ADCY3: variants seen among roughly 807,000 people sequenced by gnomAD.
ADCY3 encodes adenylate cyclase type 3.
In ADCY3, 70 loss-of-function variants were observed where a neutral mutation model predicts 119.4. The ratio of observed to expected loss-of-function variants is 0.59; its 90% confidence interval spans 0.48 to 0.72. The LOEUF (loss-of-function observed/expected upper bound fraction) is 0.72, where lower values mean the gene tolerates loss of function less well. Ranked by LOEUF, ADCY3 falls within the 30% of genes least tolerant of loss-of-function variation. ADCY3 has a pLI of 0.00. For missense variants in ADCY3, 1,238 were observed against 1,541.6 expected, an observed-to-expected ratio of 0.80 and a Z score of 3.30; for synonymous variants, 672 against 621.4, an observed-to-expected ratio of 1.08 and a Z score of -1.21.
chr2:24,913,480 C>T (rs1228580165), intron 2 of ADCY3, among the ~76,000 whole-genome samples: 1 of 152,198 alleles, frequency 6.6e-6, no homozygotes, highest in Admixed American at 6.5e-5. Flanking sequence ...GAAAGAGAGG[C>T]TTTCAGGGAA....
At chr2:24,837,318 C>A (rs998814894) in intron 8 of ADCY3, among the ~76,000 whole-genome samples, 5 of 152,078 alleles carry the variant, frequency 3.3e-5, no homozygotes, top group African/African-American at 9.7e-5. Flanking sequence ...GAGCTTTGGG[C>A]AGGTGGCATT....
At position 24,899,455 on chromosome 2, in the gene ADCY3, A is replaced by C. The variant is rs6718511; in HGVS notation, c.675+18858T>G. On this transcript the variant is annotated intron_variant, in intron 2 of 21. Coordinates refer to ENST00000679454, the MANE Select transcript of ADCY3 (RefSeq NM_004036.5). This position sits in a 1 kb window ranked among gnomAD's most constrained non-coding sequence, Gnocchi z 4.5. Reference sequence around the variant, plus strand: ...ACCTCTGCCACCAGCCTGCCAGGCAAAACTGTCCCTGGATTTCCTGCCCAG... The same window carrying C: ...ACCTCTGCCACCAGCCTGCCAGGCACAACTGTCCCTGGATTTCCTGCCCAG... Among the ~76,000 whole-genome samples, 1,028 of 151,946 alleles carry C rather than the reference A, an allele frequency of 6.8e-3. 10 individuals are homozygous for C. Among genetic ancestry groups the C allele is most frequent in the African/African-American group, 0.024 (979 of 41,410 alleles).
chr2:24,824,962 G>A (rs528663462), intron 16 of ADCY3, among the ~76,000 whole-genome samples: 1 of 152,292 alleles, frequency 6.6e-6, no homozygotes, highest in East Asian at 1.9e-4. Context: ...ATGGCTAAAT[G>A]GCAAGGGAAG....
intron 2 of ADCY3, among the ~76,000 whole-genome samples, chr2:24,916,148 T>C (rs936100124): frequency 6.6e-6 from 1 of 152,190 alleles, no homozygotes; most frequent in African/African-American, 2.4e-5. Flanking sequence ...ATTTCTATCT[T>C]TTTTTTTCTG....
intron 2 of ADCY3, among the ~76,000 whole-genome samples, chr2:24,903,864 G>A (rs374670141): frequency 6.6e-6 from 1 of 152,198 alleles, no homozygotes; most frequent in African/African-American, 2.4e-5. Context: ...CTAAAGCTCA[G>A]GGGAACAAAG....
Position 24,820,814 on chromosome 2 carries a change from G to C in ADCY3, c.3162C>G (p.Ile1054Met). ...TGTCGTAGTGTGGTTTCCGGGCTCC[G>C]ATGACCCCAGCCAGAACCCCGCCTT... ...MNKGGVLAGV[I>M]GARKPHYDIW... Residue 1054 changes from isoleucine (I) to methionine (M), a missense_variant, in exon 21 of 22, where the codon ATC (isoleucine) becomes ATG (methionine). Physicochemically the swap from Ile to Met is conservative, Grantham distance 10 (BLOSUM62 1). This residue lies in a region of ADCY3 where 43 missense variants were observed against 77.0 expected (regional missense o/e 0.56). Coordinates refer to ENST00000679454, the MANE Select transcript of ADCY3 (RefSeq NM_004036.5). The C allele has an allele frequency of 6.2e-7, 1 of 1,614,038 alleles. No individual in the cohort carries two copies. The highest frequency in any genetic ancestry group is 8.5e-7 in the Non-Finnish European group (1 of 1,179,986).
chr2:24,858,625 TA>T (rs1553347617), intron 3 of ADCY3, among the ~76,000 whole-genome samples: 1 of 152,232 alleles, frequency 6.6e-6, no homozygotes, highest in Non-Finnish European at 1.5e-5. Context: ...CAGATAAATA[TA>T]AAATGCGCCA....
chr2:24,821,507 G>T lies in ADCY3; in HGVS notation c.3127+10C>A. 6.2e-7 allele frequency: 1 copy of T among 1,613,568 alleles called. No individual in the cohort carries two copies. The highest frequency in any genetic ancestry group is 1.1e-5 in the South Asian group (1 of 91,040). On this transcript the variant is annotated intron_variant, in intron 20 of 21. Transcript: ENST00000679454. ...GCCTGCTGCGGGGCAGGCCAGCTGGGGGTGCTCACCTATGCGCAGCATGAA... is the reference window on the plus strand; with the variant it reads ...GCCTGCTGCGGGGCAGGCCAGCTGGTGGTGCTCACCTATGCGCAGCATGAA...
chr2:24,824,441 C>T lies in ADCY3; in HGVS notation c.2673G>A (p.Leu891=). ...VYEMRRWNEA[L]VTNMLPEHVA... is the part of the protein sequence containing the mutation. ...CGTGCTCAGGCAACATGTTGGTGAC[C>T]AAGGCCTCGTTCCAGCGTCGCATCT... Residue 891 remains leucine, a synonymous_variant, in exon 17 of 22, where the codon TTG becomes TTA. Transcript: ENST00000679454. 1 of 1,614,250 alleles carries T rather than the reference C, an allele frequency of 6.2e-7. No individual in the cohort carries two copies. Among genetic ancestry groups the T allele is most frequent in the Non-Finnish European group, 8.5e-7 (1 of 1,180,044 alleles).
intron 9 of ADCY3, among the ~76,000 whole-genome samples, chr2:24,836,320 C>T (rs1171603195): frequency 1.3e-5 from 2 of 152,244 alleles, no homozygotes; most frequent in Non-Finnish European, 2.9e-5. Context: ...TCTAATGGCA[C>T]CAGGGCCAGC....
rs1347111547 is a variant in ADCY3, at chr2:24,898,237, G to A, written c.675+20076C>T. Among the ~76,000 whole-genome samples, 1 of 152,098 alleles carries A rather than the reference G, an allele frequency of 6.6e-6. No homozygotes were observed. The highest frequency in any genetic ancestry group is 1.5e-5 in the Non-Finnish European group (1 of 68,012). ...CAGCTCAGTACTCCTCCTCCTGAGG[G>A]GCTTTTCTCTCCACTCTCCCAGTTC... On this transcript the variant is annotated intron_variant, in intron 2 of 21. Transcript: ENST00000679454. This position sits in a 1 kb window ranked among gnomAD's most constrained non-coding sequence, Gnocchi z 4.3.
At chr2:24,849,532 T>C (rs1672049295) in intron 3 of ADCY3, among the ~76,000 whole-genome samples, 1 of 152,186 alleles carries the variant, frequency 6.6e-6, no homozygotes, top group African/African-American at 2.4e-5. Flanking sequence ...CACAAATATG[T>C]TCTGAAAGCA....
intron 3 of ADCY3, among the ~76,000 whole-genome samples, chr2:24,865,256 C>A (rs1674134953): frequency 6.6e-6 from 1 of 151,944 alleles, no homozygotes. Context: ...ACCAGCCTGG[C>A]CAACGTGGTG....
intron 3 of ADCY3, among the ~76,000 whole-genome samples, chr2:24,864,238 G>A (rs914298431): frequency 1.2e-4 from 18 of 152,188 alleles, no homozygotes; most frequent in African/African-American, 4.3e-4. Flanking sequence ...GCAGTGAGCT[G>A]AGATCGCACC....
At chr2:24,916,450 G>A (rs897728311) in intron 2 of ADCY3, among the ~76,000 whole-genome samples, 6 of 152,220 alleles carry the variant, frequency 3.9e-5, no homozygotes, top group African/African-American at 1.2e-4. Flanking sequence ...TTGGGAGGCC[G>A]AGGCGGGCGG....
chr2:24,917,103 A>C (rs1664551245), intron 2 of ADCY3, among the ~76,000 whole-genome samples: 1 of 152,202 alleles, frequency 6.6e-6, no homozygotes, highest in Non-Finnish European at 1.5e-5. Context: ...TGAGTGGAGA[A>C]ATCAGCAGAG....
intron 2 of ADCY3, among the ~76,000 whole-genome samples, chr2:24,909,911 G>T (rs1328843850): frequency 6.6e-6 from 1 of 152,200 alleles, no homozygotes; most frequent in Non-Finnish European, 1.5e-5. Flanking sequence ...AGCCGATAGT[G>T]ATGAGCCTAA....
chr2:24,855,618 C>T (rs1397007866), intron 3 of ADCY3, among the ~76,000 whole-genome samples: 2 of 152,192 alleles, frequency 1.3e-5, no homozygotes, highest in Non-Finnish European at 2.9e-5. Context: ...AAAGTCAAGG[C>T]CCTGACCCTC....
At chr2:24,877,217 G>A (rs1280358781) in intron 2 of ADCY3, among the ~76,000 whole-genome samples, 1 of 152,230 alleles carries the variant, frequency 6.6e-6, no homozygotes, top group Non-Finnish European at 1.5e-5. Context: ...AGCCCTAGGT[G>A]CCCAGGAAGC....
Sources: gnomAD v4.1 joint callset for allele counts (sites outside exome capture counted in the v4.1 genomes callset) on GRCh38, gnomAD v4.1.1 for gene constraint, gnomAD v4.1.1 regional missense constraint, Gnocchi (gnomAD v3.1) non-coding constraint, MANE v1.5 for transcripts, NCBI Gene and HGNC (gene_info 2026-07-23, HGNC 2026-07-21) for gene names.